STUM: variants seen among roughly 807,000 people sequenced by gnomAD.
The protein encoded by STUM is stum, mechanosensory transduction mediator homolog.
Under a neutral mutation model 15.3 loss-of-function variants are expected in STUM, and 8 were observed. The observed-to-expected ratio is 0.52, with a 90% CI of 0.31 to 0.94. The LOEUF (loss-of-function observed/expected upper bound fraction) is 0.94, where lower values mean the gene tolerates loss of function less well. Ranked by LOEUF, STUM falls within the 40% of genes least tolerant of loss-of-function variation. The pLI, the probability that STUM is intolerant of heterozygous loss-of-function variation, is 0.05. For synonymous variants in STUM, 78 were observed against 88.7 expected (o/e 0.88, Z 0.68); for missense variants, 142 against 204.9 (o/e 0.69, Z 1.87).
Position 226,605,907 on chromosome 1 carries a change from C to T in STUM, c.*3867C>T, listed in dbSNP as rs958895468. 18 of 152,244 alleles carry T rather than the reference C, an allele frequency of 1.2e-4. No individual in the cohort carries two copies. The highest frequency in any genetic ancestry group is 3.4e-4 in the African/African-American group (14 of 41,464). 9.4% of individuals were successfully genotyped at this position (152,244 alleles called of 1,614,324 possible). On this transcript the variant is annotated 3_prime_UTR_variant, in exon 4 of 4. Transcript: ENST00000366788. This position sits in a 1 kb window ranked among gnomAD's most constrained non-coding sequence, Gnocchi z 4.0. ...TCCTAATGTGCAGGACCAAGTTGCCCGCTCTGCCAGCCAGGGGCTCCAGCC... is the reference window on the plus strand; with the variant it reads ...TCCTAATGTGCAGGACCAAGTTGCCTGCTCTGCCAGCCAGGGGCTCCAGCC...
chr1:226,567,542 G>A lies in STUM; in HGVS notation c.202+18436G>A, dbSNP rs76139023. Among the ~76,000 whole-genome samples, 1,829 of 152,318 alleles carry A rather than the reference G, an allele frequency of 0.012. 31 individuals carry two copies. The highest frequency in any genetic ancestry group is 0.024 in the Middle Eastern group (7 of 294). ...AAACAGCATCATTTTTCTCAGTGAT[G>A]CCAGACATTTGTTATGGCTCACAAA... On this transcript the variant is annotated intron_variant, in intron 1 of 3. Coordinates refer to ENST00000366788, the MANE Select transcript of STUM (RefSeq NM_001003665.4). The surrounding 1 kb of genome is among the most constrained non-coding windows in gnomAD (Gnocchi z 4.5).
intron 1 of STUM, among the ~76,000 whole-genome samples, chr1:226,568,774 G>A (rs141347167): frequency 1.6e-4 from 24 of 152,388 alleles, no homozygotes; most frequent in Middle Eastern, 3.4e-3. Flanking sequence ...GAGGAGCTTC[G>A]CCCCTGCGAC....
chr1:226,554,436 AGAAATAAAAGTCACCAAGGT>A (rs1308736405), intron 1 of STUM, among the ~76,000 whole-genome samples: 1 of 152,236 alleles, frequency 6.6e-6, no homozygotes, highest in East Asian at 1.9e-4. Flanking sequence ...TAATAGACCA[AGAAATAAAAGTCACCAAGGT>A]GACCAATAGA....
chr1:226,579,646 C>T (rs115355945), intron 1 of STUM, among the ~76,000 whole-genome samples: 1,905 of 133,600 alleles, frequency 0.014, 11 homozygotes, highest in African/African-American at 0.016. Context: ...TTTTCTTTTT[C>T]TTTTGAGACA....
intron 1 of STUM, among the ~76,000 whole-genome samples, chr1:226,572,600 G>A (rs1160751409): frequency 6.6e-6 from 1 of 152,172 alleles, no homozygotes; most frequent in Non-Finnish European, 1.5e-5. Flanking sequence ...GATTAAGCAG[G>A]CCAGGGAAGC....
chr1:226,571,155 C>T (rs375276111), intron 1 of STUM, among the ~76,000 whole-genome samples: 6 of 152,018 alleles, frequency 3.9e-5, no homozygotes, highest in Admixed American at 2.0e-4. Context: ...TGCTTGAACC[C>T]GGGAGACGGA....
chr1:226,577,773 T>C (rs1370709691), intron 1 of STUM, among the ~76,000 whole-genome samples: 1 of 152,124 alleles, frequency 6.6e-6, no homozygotes, highest in East Asian at 1.9e-4. Flanking sequence ...GGGGCTGTCC[T>C]GCAGTCTTCT....
intron 1 of STUM, among the ~76,000 whole-genome samples, chr1:226,578,426 G>T (rs112706404): frequency 0.012 from 1,617 of 136,634 alleles, 22 homozygotes; most frequent in African/African-American, 0.042. Flanking sequence ...GTGCAGTGAC[G>T]CAATCACAGG....
chr1:226,587,806 C>A (rs1668020523), intron 1 of STUM, among the ~76,000 whole-genome samples: 1 of 152,112 alleles, frequency 6.6e-6, no homozygotes, highest in Non-Finnish European at 1.5e-5. Flanking sequence ...AAGATTTAAG[C>A]CATAATAAAT....
intron 1 of STUM, among the ~76,000 whole-genome samples, chr1:226,560,233 G>A (rs1397419540): frequency 6.6e-6 from 1 of 152,304 alleles, no homozygotes; most frequent in East Asian, 1.9e-4. Flanking sequence ...CTCAGCCCTG[G>A]CTTCCAACCT....
At chr1:226,599,510 G>A (rs1668233335) in intron 2 of STUM, among the ~76,000 whole-genome samples, 1 of 152,178 alleles carries the variant, frequency 6.6e-6, no homozygotes, top group African/African-American at 2.4e-5. Context: ...TCTTTCTGGT[G>A]TCAGTCCAGC....
intron 1 of STUM, among the ~76,000 whole-genome samples, chr1:226,551,074 CTT>C (rs112433974): frequency 3.9e-4 from 57 of 146,924 alleles, no homozygotes; most frequent in African/African-American, 1.4e-3. Flanking sequence ...ATAATCCTGG[CTT>C]TTTTTTTTTT....
rs1327186014 is a variant in STUM, at chr1:226,608,651, C to T, written c.*6611C>T. ...GAGCTCCTGGGGTTTTCTTGTCTCA[C>T]TTCTACCCTGACCTGCTGGGAGCCC... On this transcript the variant is annotated 3_prime_UTR_variant, in exon 4 of 4. Transcript: ENST00000366788. This position sits in a 1 kb window ranked among gnomAD's most constrained non-coding sequence, Gnocchi z 4.0. 6.6e-6 allele frequency: 1 copy of T among 152,234 alleles called. No homozygotes were observed. The highest frequency in any genetic ancestry group is 2.4e-5 in the African/African-American group (1 of 41,444). 9.4% of individuals were successfully genotyped at this position (152,234 alleles called of 1,614,324 possible). A position where few individuals can be genotyped will look rare whatever the true frequency, so the allele number is the denominator to read the frequency against.
In STUM at chr1:226,549,031, C is replaced by A; in HGVS notation, c.127C>A (p.Arg43Ser). Residue 43 changes from arginine to serine, a missense_variant, in exon 1 of 4, where the codon CGC becomes AGC. Physicochemically the swap from Arg to Ser is moderately radical, Grantham distance 110. This residue lies in a region of STUM where 113 missense variants were observed against 134.4 expected (regional missense o/e 0.84). Coordinates refer to ENST00000366788, the MANE Select transcript of STUM (RefSeq NM_001003665.4). This position sits in a 1 kb window ranked among gnomAD's most constrained non-coding sequence, Gnocchi z 6.8. ...VQVREKKGPL[R>S]AAIPYMPFPV... The stretch of plus-strand genomic sequence containing the variant: ...GGTCCGCGAGAAGAAGGGCCCCCTG[C>A]GCGCCGCCATCCCCTACATGCCCTT... 6.3e-7 allele frequency: 1 copy of A among 1,584,282 alleles called. No individual in the cohort carries two copies. Among genetic ancestry groups the A allele is most frequent in the Non-Finnish European group, 8.6e-7 (1 of 1,168,168 alleles).
Position 226,600,533 on chromosome 1 carries a change from TCTC to T in STUM, c.383-131_383-129del. 9.2e-7 allele frequency: 1 copy of T among 1,092,522 alleles called. No homozygotes were observed. The highest frequency in any genetic ancestry group is 1.4e-6 in the Non-Finnish European group (1 of 728,162). 67.7% of individuals were successfully genotyped at this position (1,092,522 alleles called of 1,614,324 possible). On this transcript the variant is annotated intron_variant, in intron 2 of 3. Transcript: ENST00000366788. This position sits in a 1 kb window ranked among gnomAD's most constrained non-coding sequence, Gnocchi z 5.2. The stretch of plus-strand genomic sequence containing the variant: ...AGCCACTGGCATGGCCCCTGTCCCA[TCTC>T]CCAGGCCTCACCATGGATCTGCTTT...
chr1:226,587,913 TCA>T (rs1322826618), intron 1 of STUM, among the ~76,000 whole-genome samples: 3 of 152,116 alleles, frequency 2.0e-5, no homozygotes, highest in African/African-American at 7.2e-5. Context: ...TGTGATGGGA[TCA>T]CAATGAAATG....
At chr1:226,576,426 C>T (rs1048242798) in intron 1 of STUM, among the ~76,000 whole-genome samples, 20 of 152,162 alleles carry the variant, frequency 1.3e-4, no homozygotes, top group African/African-American at 4.3e-4. Context: ...GAAATTCATT[C>T]GTGGAGAGAT....
chr1:226,564,660 G>A (rs1440297012), intron 1 of STUM, among the ~76,000 whole-genome samples: 3 of 152,096 alleles, frequency 2.0e-5, no homozygotes, highest in Non-Finnish European at 4.4e-5. Flanking sequence ...TACCTTTTTT[G>A]TGTGACTTCC....
chr1:226,596,283 G>A (rs1247840459), intron 1 of STUM, among the ~76,000 whole-genome samples: 1 of 144,026 alleles, frequency 6.9e-6, no homozygotes, highest in Non-Finnish European at 1.5e-5. Context: ...TACACTGTAG[G>A]CTCTTGGCTC....
Sources: gnomAD v4.1 joint callset for allele counts (sites outside exome capture counted in the v4.1 genomes callset) on GRCh38, gnomAD v4.1.1 for gene constraint, gnomAD v4.1.1 regional missense constraint, Gnocchi (gnomAD v3.1) non-coding constraint, MANE v1.5 for transcripts, NCBI Gene and HGNC (gene_info 2026-07-23, HGNC 2026-07-21) for gene names.